SHISA9: variants seen among roughly 807,000 people sequenced by gnomAD.
SHISA9 encodes shisa family member 9, also known as protein shisa-9.
A neutral mutation model predicts 38.0 loss-of-function variants in SHISA9; 13 were observed. That is an observed-to-expected ratio of 0.34 (90% CI 0.22 to 0.54). SHISA9 has a LOEUF of 0.54. Ranked by LOEUF, SHISA9 falls within the 20% of genes least tolerant of loss-of-function variation. SHISA9 has a pLI of 0.91. For missense variants in SHISA9, 538 were observed against 575.8 expected, an observed-to-expected ratio of 0.93 and a Z score of 0.67; for synonymous variants, 275 against 242.0, an observed-to-expected ratio of 1.14 and a Z score of -1.27.
chr16:12,931,331 A>G (rs1053462954), intron 2 of SHISA9, among the ~76,000 whole-genome samples: 2 of 152,108 alleles, frequency 1.3e-5, no homozygotes, highest in African/African-American at 2.4e-5. Flanking sequence ...GGTTTGTTAC[A>G]TGGGTATATT....
At chr16:13,248,387 T>G in the SHISA9 span, among the ~76,000 whole-genome samples, 2 of 151,988 alleles carry the variant, frequency 1.3e-5, no homozygotes, top group Admixed American at 1.3e-4. Flanking sequence ...AAATAAAAAT[T>G]AAGAAGGTAG....
At chr16:12,925,447 A>G (rs2163974) in intron 2 of SHISA9, among the ~76,000 whole-genome samples, 24 of 66,274 alleles carry the variant, frequency 3.6e-4, no homozygotes, top group African/African-American at 7.8e-4. Context: ...GTGTGTGTGT[A>G]TGTGTGTGTG....
At chr16:13,493,578 C>G in the SHISA9 span, among the ~76,000 whole-genome samples, 3 of 152,176 alleles carry the variant, frequency 2.0e-5, no homozygotes, top group African/African-American at 7.2e-5. Context: ...CCCAATGCCC[C>G]AAATACTGTG....
chr16:13,103,147 G>A (rs945650489), intron 2 of SHISA9, among the ~76,000 whole-genome samples: 1 of 152,190 alleles, frequency 6.6e-6, no homozygotes, highest in African/African-American at 2.4e-5. Context: ...CATTTAACTT[G>A]TCAGTAGCAG....
the SHISA9 span, among the ~76,000 whole-genome samples, chr16:13,422,876 A>G: frequency 6.6e-6 from 1 of 152,188 alleles, no homozygotes. Flanking sequence ...CTTTCTGATG[A>G]CAGTCTTATT....
the SHISA9 span, among the ~76,000 whole-genome samples, chr16:13,360,835 G>T: frequency 6.6e-6 from 1 of 152,098 alleles, no homozygotes; most frequent in Non-Finnish European, 1.5e-5. Context: ...CCTTCTCAGG[G>T]AATATTCTGA....
At chr16:13,430,921 G>GAAA in the SHISA9 span, among the ~76,000 whole-genome samples, 1,256 of 144,200 alleles carry the variant, frequency 8.7e-3, 15 homozygotes, top group South Asian at 0.013. Flanking sequence ...TCTGTTTCTA[G>GAAA]AAAAAAAAAA....
chr16:13,222,804 A>AT lies in SHISA9; in HGVS notation c.895+9505dup, dbSNP rs1250783347. Among the ~76,000 whole-genome samples, 5 of 115,146 alleles carry AT rather than the reference A, an allele frequency of 4.3e-5. No individual in the cohort carries two copies. The South Asian group carries it at 1.4e-3, about 33-fold the overall frequency. The allele number at this position is 115,146 out of a possible 152,430, so 75.5% of individuals were successfully genotyped here. A position where few individuals can be genotyped will look rare whatever the true frequency, so the allele number is the denominator to read the frequency against. ...GGTGTGTGTGTATGTATATATATAT[A>AT]TATATATACATACACACACCACAAG... On this transcript the variant is annotated intron_variant, in intron 4 of 4. Coordinates refer to ENST00000558583, the MANE Select transcript of SHISA9 (RefSeq NM_001145204.3).
intron 2 of SHISA9, among the ~76,000 whole-genome samples, chr16:13,083,345 T>C (rs2073675488): frequency 6.6e-6 from 1 of 152,186 alleles, no homozygotes; most frequent in African/African-American, 2.4e-5. Context: ...ATTGTGCGAA[T>C]AGTTGTAGGC....
At chr16:13,548,004 G>C in the SHISA9 span, among the ~76,000 whole-genome samples, 1 of 152,022 alleles carries the variant, frequency 6.6e-6, no homozygotes, top group Non-Finnish European at 1.5e-5. Flanking sequence ...CATGATACTG[G>C]TATAAAAACA....
the SHISA9 span, among the ~76,000 whole-genome samples, chr16:13,463,024 C>A: frequency 6.6e-6 from 1 of 151,954 alleles, no homozygotes; most frequent in Non-Finnish European, 1.5e-5. Context: ...GGTGTGGTGG[C>A]ACATGCCTGT....
At chr16:13,435,706 C>A in the SHISA9 span, among the ~76,000 whole-genome samples, 1 of 152,174 alleles carries the variant, frequency 6.6e-6, no homozygotes. Flanking sequence ...ACTGAGGTGA[C>A]AGGTTTTGCA....
the SHISA9 span, among the ~76,000 whole-genome samples, chr16:13,345,933 A>T: frequency 1.3e-5 from 2 of 149,660 alleles, no homozygotes; most frequent in African/African-American, 4.9e-5. Context: ...CCTTCGCCCA[A>T]TTCTTTATGG....
chr16:13,496,746 C>G, the SHISA9 span, among the ~76,000 whole-genome samples: 5 of 151,076 alleles, frequency 3.3e-5, no homozygotes, highest in Non-Finnish European at 7.4e-5. Context: ...TTAGAAAATA[C>G]AAAAAAAATC....
chr16:12,907,870 G>A (rs1596522028), intron 1 of SHISA9, among the ~76,000 whole-genome samples: 2 of 152,120 alleles, frequency 1.3e-5, no homozygotes, highest in East Asian at 3.9e-4. Context: ...CCCCCTTCAG[G>A]AAGCTCTTGG....
chr16:12,986,453 G>A (rs1485604076), intron 2 of SHISA9, among the ~76,000 whole-genome samples: 4 of 152,116 alleles, frequency 2.6e-5, no homozygotes, highest in Non-Finnish European at 2.9e-5. Context: ...TTTGTGGAGC[G>A]GTAATTAAAA....
chr16:13,296,599 T>C, the SHISA9 span, among the ~76,000 whole-genome samples: 1 of 152,020 alleles, frequency 6.6e-6, no homozygotes, highest in African/African-American at 2.4e-5. Context: ...CATTACAACA[T>C]TGCAATATTA....
chr16:13,416,689 G>A, the SHISA9 span, among the ~76,000 whole-genome samples: 1 of 151,408 alleles, frequency 6.6e-6, no homozygotes, highest in African/African-American at 2.4e-5. Flanking sequence ...TCCAGCCTGG[G>A]TGACCTTGTC....
At chr16:13,119,870 A>G (rs542975399) in intron 2 of SHISA9, among the ~76,000 whole-genome samples, 1 of 152,356 alleles carries the variant, frequency 6.6e-6, no homozygotes, top group Admixed American at 6.5e-5. Context: ...TGTGGATTGC[A>G]TGAGATTTAA....
Sources: gnomAD v4.1 joint callset for allele counts (sites outside exome capture counted in the v4.1 genomes callset) on GRCh38, gnomAD v4.1.1 for gene constraint, MANE v1.5 for transcripts, NCBI Gene and HGNC (gene_info 2026-07-23, HGNC 2026-07-21) for gene names.